ARHGEF33: variants seen among roughly 807,000 people sequenced by gnomAD.
ARHGEF33 encodes DH and coiled-coil domain-containing protein ENSP00000381780.
A neutral mutation model predicts 101.9 loss-of-function variants in ARHGEF33; 72 were observed. The ratio of observed to expected loss-of-function variants is 0.71; its 90% confidence interval spans 0.58 to 0.86. The LOEUF (loss-of-function observed/expected upper bound fraction) is 0.86, where lower values mean the gene tolerates loss of function less well. ARHGEF33 is among the 40% of genes least tolerant of loss of function. ARHGEF33 has a pLI of 0.00. For synonymous variants in ARHGEF33, 499 were observed against 442.5 expected (o/e 1.13, Z -1.60); for missense variants, 1,169 against 1,111.3 (o/e 1.05, Z -0.74).
chr2:38,901,105 A>C (rs914186710), intron 2 of ARHGEF33, among the ~76,000 whole-genome samples: 1 of 151,994 alleles, frequency 6.6e-6, no homozygotes, highest in African/African-American at 2.4e-5. Flanking sequence ...ACACACACAC[A>C]CCTGCCCTCA....
At chr2:38,908,888 A>G (rs960763498) in intron 2 of ARHGEF33, among the ~76,000 whole-genome samples, 2 of 152,210 alleles carry the variant, frequency 1.3e-5, no homozygotes, top group Non-Finnish European at 1.5e-5. Context: ...AATAAAAATA[A>G]TCTTCAGGCC....
At chr2:38,965,707 A>C (rs2124429660) in intron 16 of ARHGEF33, among the ~76,000 whole-genome samples, 1 of 152,234 alleles carries the variant, frequency 6.6e-6, no homozygotes, top group East Asian at 1.9e-4. Flanking sequence ...CTTCTTTTAA[A>C]GTCCACTTTT....
At chr2:38,931,299 T>A in intron 7 of ARHGEF33, 48 bp downstream of exon 7, 1 of 1,483,596 alleles carries the variant, frequency 6.7e-7, no homozygotes, top group Non-Finnish European at 9.0e-7. Context: ...TTTTTCCCAA[T>A]TCCCCCAATT....
Position 38,960,730 on chromosome 2 carries a change from G to C in ARHGEF33, c.2343+82G>C, listed in dbSNP as rs1056853743. ...AGGAAGCATCCCGAGTTCTCCTAGC[G>C]TGGAGAGGAGCGGGGCCGGGCCAGG... On this transcript the variant is annotated intron_variant, in intron 16 of 17. Transcript: ENST00000409978. The C allele has an allele frequency of 1.5e-4, 162 of 1,114,002 alleles. 1 individual carries two copies. The highest frequency in any genetic ancestry group is 1.6e-4 in the Non-Finnish European group (142 of 883,916). The allele number at this position is 1,114,002 out of a possible 1,614,324, so 69.0% of individuals were successfully genotyped here.
At chr2:38,939,619 C>T (rs1264466087) in intron 9 of ARHGEF33, among the ~76,000 whole-genome samples, 1 of 152,086 alleles carries the variant, frequency 6.6e-6, no homozygotes, top group East Asian at 1.9e-4. Flanking sequence ...ATTAGCTATT[C>T]ATATATTCTT....
chr2:38,959,919 CTG>C lies in ARHGEF33; in HGVS notation c.1615_1616del (p.Trp539GlyfsTer261). 1 of 1,551,860 alleles carries C rather than the reference CTG, an allele frequency of 6.4e-7. No homozygotes were observed. The highest frequency in any genetic ancestry group is 8.7e-7 in the Non-Finnish European group (1 of 1,146,956). On this transcript the variant is annotated frameshift_variant, in exon 16 of 18. Transcript: ENST00000409978. LOFTEE classifies it high-confidence loss of function. ...GCATGCAGCCCGGGAAGCCCAGTGA[CTG>C]GGAGCTGGAGGGCAGGAAGCACGAG... Reference protein sequence around the residue: ...ESMQPGKPSDWELEGRKHERP... With the variant: ...ESMQPGKPSDXELEGRKHERP...
At chr2:38,924,991 A>G (rs1366493980) in intron 4 of ARHGEF33, among the ~76,000 whole-genome samples, 1 of 152,214 alleles carries the variant, frequency 6.6e-6, no homozygotes, top group Non-Finnish European at 1.5e-5. Flanking sequence ...AATTCATAGG[A>G]TGGGATATCA....
At chr2:38,918,828 C>T (rs1380545684) in intron 2 of ARHGEF33, among the ~76,000 whole-genome samples, 2 of 150,006 alleles carry the variant, frequency 1.3e-5, no homozygotes, top group African/African-American at 2.5e-5. Flanking sequence ...ATCACTTGAG[C>T]CTAGAAGTTT....
chr2:38,970,466 TTG>T (rs1325807385), intron 17 of ARHGEF33, among the ~76,000 whole-genome samples: 6 of 152,246 alleles, frequency 3.9e-5, no homozygotes, highest in Admixed American at 2.0e-4. Flanking sequence ...CTTACCCACT[TTG>T]GGGTTCTCTC....
At chr2:38,962,501 C>G (rs1667966670) in intron 16 of ARHGEF33, among the ~76,000 whole-genome samples, 1 of 152,076 alleles carries the variant, frequency 6.6e-6, no homozygotes, top group South Asian at 2.1e-4. Flanking sequence ...AACAGTGTAT[C>G]AGGAACCGTT....
intron 4 of ARHGEF33, among the ~76,000 whole-genome samples, chr2:38,921,783 C>T (rs1457109752): frequency 6.6e-6 from 1 of 152,178 alleles, no homozygotes; most frequent in Non-Finnish European, 1.5e-5. Context: ...ACTACCACGC[C>T]CACCTCAACT....
At chr2:38,945,296 C>G (rs1275366374) in intron 10 of ARHGEF33, among the ~76,000 whole-genome samples, 2 of 152,166 alleles carry the variant, frequency 1.3e-5, no homozygotes, top group South Asian at 4.1e-4. Flanking sequence ...ACAATACACT[C>G]AAAACACACG....
chr2:38,906,313 A>G (rs939727240), intron 2 of ARHGEF33, among the ~76,000 whole-genome samples: 9 of 151,858 alleles, frequency 5.9e-5, no homozygotes, highest in African/African-American at 1.9e-4. Flanking sequence ...TTCTTTTTTT[A>G]TTAACTTATT....
intron 2 of ARHGEF33, among the ~76,000 whole-genome samples, chr2:38,900,106 T>C (rs896251): frequency 0.082 from 12,519 of 152,196 alleles, 659 homozygotes; most frequent in Non-Finnish European, 0.11. Context: ...GTAGGAAGGT[T>C]GCTTGAGCCC....
At chr2:38,941,897 G>T (rs1341056308) in intron 9 of ARHGEF33, among the ~76,000 whole-genome samples, 2 of 151,806 alleles carry the variant, frequency 1.3e-5, no homozygotes, top group Non-Finnish European at 2.9e-5. Flanking sequence ...TTTATTCGTG[G>T]TGTGCTAAAC....
At chr2:38,971,562 C>G (rs1340479438) in intron 17 of ARHGEF33, among the ~76,000 whole-genome samples, 1 of 152,178 alleles carries the variant, frequency 6.6e-6, no homozygotes, top group Non-Finnish European at 1.5e-5. Context: ...TGCACTACTT[C>G]AGAGCCTAAT....
chr2:38,892,695 A>T (rs1376477643), intron 1 of ARHGEF33, among the ~76,000 whole-genome samples: 1 of 152,184 alleles, frequency 6.6e-6, no homozygotes, highest in Non-Finnish European at 1.5e-5. Context: ...GAGTAATTTT[A>T]AAAATTATCT....
intron 16 of ARHGEF33, among the ~76,000 whole-genome samples, chr2:38,962,089 A>G (rs1191008576): frequency 1.3e-5 from 2 of 152,206 alleles, no homozygotes; most frequent in Non-Finnish European, 2.9e-5. Flanking sequence ...GCTCAGCTAA[A>G]GCTGCTGAGG....
At position 38,919,490 on chromosome 2, in the gene ARHGEF33, T is replaced by C. The variant is rs374488189; in HGVS notation, c.25+18T>C. 1.9e-6 allele frequency: 3 copies of C among 1,551,656 alleles called. No individual in the cohort carries two copies. Among genetic ancestry groups the C allele is most frequent in the Non-Finnish European group, 8.7e-7 (1 of 1,146,818 alleles). ...AAAGCAAGGTCAGATTTTTCCTATG[T>C]CTTGCTTTAGGACTTAGGATTCAAG... On this transcript the variant is annotated intron_variant, in intron 3 of 17. Coordinates refer to ENST00000409978, the MANE Select transcript of ARHGEF33 (RefSeq NM_001145451.5).
Sources: allele counts gnomAD v4.1 joint callset (sites outside exome capture counted in the v4.1 genomes callset), GRCh38; gene constraint gnomAD v4.1.1; transcripts MANE v1.5; gene names NCBI Gene and HGNC (gene_info 2026-07-23, HGNC 2026-07-21).